CALN1: variants seen among roughly 807,000 people sequenced by gnomAD.
The protein encoded by CALN1 is calneuron 1.
A neutral mutation model predicts 30.6 loss-of-function variants in CALN1; 17 were observed. That is an observed-to-expected ratio of 0.56 (90% CI 0.38 to 0.83). The LOEUF is 0.83. Among genes scored for constraint, CALN1 ranks in the 40% least tolerant of loss-of-function variants. The pLI is 0.00. For missense variants in CALN1, 291 were observed against 354.9 expected (o/e 0.82, Z 1.45); for synonymous variants, 156 against 131.4 (o/e 1.19, Z -1.28).
At chr7:72,069,030 A>G (rs1241477535) in intron 4 of CALN1, among the ~76,000 whole-genome samples, 1 of 152,230 alleles carries the variant, frequency 6.6e-6, no homozygotes, top group East Asian at 1.9e-4. Flanking sequence ...AGAGTTCAGA[A>G]CTGCTTTTGA....
the CALN1 span, among the ~76,000 whole-genome samples, chr7:72,458,043 C>T: frequency 4.7e-5 from 7 of 148,428 alleles, no homozygotes; most frequent in Non-Finnish European, 8.9e-5. Flanking sequence ...AGGCATGAGT[C>T]ACTGCACCCA....
intron 4 of CALN1, among the ~76,000 whole-genome samples, chr7:72,040,640 T>C (rs1283368423): frequency 2.0e-5 from 3 of 152,324 alleles, no homozygotes; most frequent in South Asian, 4.1e-4. Flanking sequence ...CTCATAACTA[T>C]GGAGCCCTAA....
chr7:72,033,649 G>C (rs1210520349), intron 4 of CALN1, among the ~76,000 whole-genome samples: 5 of 152,182 alleles, frequency 3.3e-5, no homozygotes, highest in Non-Finnish European at 5.9e-5. Context: ...TGCCAGGAAG[G>C]AGGGAAGGTG....
chr7:72,033,413 C>T (rs1801582854), intron 4 of CALN1, among the ~76,000 whole-genome samples: 1 of 152,196 alleles, frequency 6.6e-6, no homozygotes, highest in African/African-American at 2.4e-5. Context: ...ATCTCCAAAG[C>T]ATAAGGCGCA....
At chr7:72,035,994 A>G (rs972405067) in intron 4 of CALN1, among the ~76,000 whole-genome samples, 1 of 152,234 alleles carries the variant, frequency 6.6e-6, no homozygotes, top group Admixed American at 6.5e-5. Flanking sequence ...TTTCAGCCTG[A>G]AGGACTCTCC....
intron 2 of CALN1, among the ~76,000 whole-genome samples, chr7:72,312,524 G>A (rs1359274171): frequency 6.6e-6 from 1 of 152,094 alleles, no homozygotes; most frequent in East Asian, 1.9e-4. Flanking sequence ...AGTTGAGGGG[G>A]CAGAAAATTG....
chr7:72,467,141 C>A, the CALN1 span, among the ~76,000 whole-genome samples: 1 of 152,170 alleles, frequency 6.6e-6, no homozygotes. Flanking sequence ...GTCACGCACA[C>A]CTCAGATGTG....
At chr7:72,080,046 C>G (rs146108425) in intron 4 of CALN1, among the ~76,000 whole-genome samples, 1 of 152,178 alleles carries the variant, frequency 6.6e-6, no homozygotes, top group African/African-American at 2.4e-5. Flanking sequence ...GCTGGGATTA[C>G]AGGCGTAAGC....
intron 5 of CALN1, among the ~76,000 whole-genome samples, chr7:72,003,129 T>C (rs1799608192): frequency 1.3e-5 from 2 of 152,208 alleles, no homozygotes; most frequent in Non-Finnish European, 2.9e-5. Flanking sequence ...CAAAACATCA[T>C]GTAACTATAA....
intron 2 of CALN1, among the ~76,000 whole-genome samples, chr7:72,364,894 A>G (rs147569884): frequency 4.0e-5 from 6 of 151,446 alleles, no homozygotes; most frequent in African/African-American, 1.5e-4. Flanking sequence ...AATTAGCCGG[A>G]CATGGTGGCA....
intron 5 of CALN1, among the ~76,000 whole-genome samples, chr7:72,006,311 A>G (rs1048715765): frequency 1.3e-5 from 2 of 152,246 alleles, no homozygotes; most frequent in South Asian, 4.1e-4. Flanking sequence ...AATCAGTAAA[A>G]GGCTTCTAAC....
At chr7:72,278,414 A>C (rs1797494767) in intron 3 of CALN1, among the ~76,000 whole-genome samples, 1 of 151,622 alleles carries the variant, frequency 6.6e-6, no homozygotes, top group African/African-American at 2.4e-5. Context: ...CTATCCCCCC[A>C]GTCACTATCC....
chr7:72,462,442 C>T, the CALN1 span, among the ~76,000 whole-genome samples: 1 of 152,178 alleles, frequency 6.6e-6, no homozygotes, highest in African/African-American at 2.4e-5. Flanking sequence ...ACCTCAGCCT[C>T]CCAAACTGCT....
At chr7:72,374,131 CAG>C (rs1173305026) in intron 2 of CALN1, among the ~76,000 whole-genome samples, 5 of 152,086 alleles carry the variant, frequency 3.3e-5, no homozygotes, top group African/African-American at 1.2e-4. Context: ...GTTTTTCAGA[CAG>C]AAGGTGAATG....
At chr7:72,093,815 A>C (rs772845504) in intron 4 of CALN1, among the ~76,000 whole-genome samples, 8 of 152,220 alleles carry the variant, frequency 5.3e-5, no homozygotes, top group Non-Finnish European at 8.8e-5. Flanking sequence ...TGCTCTGTAG[A>C]ATTATCAGTT....
intron 2 of CALN1, among the ~76,000 whole-genome samples, chr7:72,339,987 AACAT>A (rs1319331630): frequency 6.6e-6 from 1 of 152,156 alleles, no homozygotes; most frequent in Non-Finnish European, 1.5e-5. Flanking sequence ...ATCTAAACAT[AACAT>A]CTTAGTGTCC....
At chr7:72,389,341 C>T (rs541391121) in intron 2 of CALN1, among the ~76,000 whole-genome samples, 1 of 152,210 alleles carries the variant, frequency 6.6e-6, no homozygotes. Context: ...TGTTTCATAG[C>T]CTCCTTCTTT....
chr7:72,350,940 A>G (rs953002903), intron 2 of CALN1, among the ~76,000 whole-genome samples: 9 of 152,142 alleles, frequency 5.9e-5, no homozygotes, highest in African/African-American at 2.2e-4. Context: ...CAGGAGTTCA[A>G]GACCAGCCTG....
At chr7:72,382,018 G>A (rs1206725445) in intron 2 of CALN1, among the ~76,000 whole-genome samples, 2 of 152,160 alleles carry the variant, frequency 1.3e-5, no homozygotes, top group African/African-American at 2.4e-5. Context: ...TCAATGAGAA[G>A]AGACTCACAG....
Sources: allele counts gnomAD v4.1 joint callset (sites outside exome capture counted in the v4.1 genomes callset), GRCh38; gene constraint gnomAD v4.1.1; transcripts MANE v1.5; gene names NCBI Gene and HGNC (gene_info 2026-07-23, HGNC 2026-07-21).